DSCAML1: variants seen among roughly 807,000 people sequenced by gnomAD.
DSCAML1 encodes the protein DS cell adhesion molecule like 1.
In DSCAML1, 38 loss-of-function variants were observed where a neutral mutation model predicts 200.5. The observed-to-expected ratio is 0.19, with a 90% confidence interval of 0.15 to 0.25. DSCAML1 has a LOEUF of 0.25. Ranked by LOEUF, DSCAML1 falls within the 10% of genes least tolerant of loss-of-function variation. DSCAML1 has a pLI of 1.00. For missense variants in DSCAML1, 2,223 were observed against 2,858.8 expected, an observed-to-expected ratio of 0.78 and a Z score of 5.07; for synonymous variants, 1,215 against 1,165.0, an observed-to-expected ratio of 1.04 and a Z score of -0.87.
chr11:117,431,414 C>T, intron 31 of DSCAML1, 120 bp downstream of exon 31: 2 of 951,182 alleles, frequency 2.1e-6, no homozygotes, highest in Non-Finnish European at 3.0e-6. Context: ...AGACATGAAA[C>T]TGACTTGTGC....
intron 3 of DSCAML1, among the ~76,000 whole-genome samples, chr11:117,654,453 T>G (rs1027850891): frequency 2.6e-5 from 4 of 152,212 alleles, no homozygotes; most frequent in Non-Finnish European, 5.9e-5. Flanking sequence ...ACACTATCGG[T>G]CTGCTCTATG....
intron 3 of DSCAML1, among the ~76,000 whole-genome samples, chr11:117,768,935 G>A (rs1471034571): frequency 2.0e-5 from 3 of 150,758 alleles, no homozygotes; most frequent in African/African-American, 7.3e-5. Flanking sequence ...AATTAGCCAG[G>A]CGTGGTGGTG....
chr11:117,721,391 T>C lies in DSCAML1; in HGVS notation c.511+55400A>G, dbSNP rs369143520. Among the ~76,000 whole-genome samples, 18 of 152,268 alleles carry C rather than the reference T, an allele frequency of 1.2e-4. No homozygotes were observed. In the East Asian group the frequency reaches 2.7e-3, roughly 23 times the overall value. ...GTCACTCTCCAGGTGCCAAGGGTAATAGTCACCCCCTCCCCCAACCTGGAA... is the reference window on the plus strand; with the variant it reads ...GTCACTCTCCAGGTGCCAAGGGTAACAGTCACCCCCTCCCCCAACCTGGAA... On this transcript the variant is annotated intron_variant, in intron 3 of 32. Coordinates refer to ENST00000651296, the MANE Select transcript of DSCAML1 (RefSeq NM_020693.4).
At chr11:117,435,523 C>A in intron 27 of DSCAML1, 121 bp downstream of exon 27, 1 of 1,215,104 alleles carries the variant, frequency 8.2e-7, no homozygotes, top group Non-Finnish European at 1.1e-6. Flanking sequence ...GGCTGCTCCT[C>A]CTTCAAGGGG....
At chr11:117,593,401 G>C (rs923602812) in intron 3 of DSCAML1, among the ~76,000 whole-genome samples, 1 of 152,220 alleles carries the variant, frequency 6.6e-6, no homozygotes, top group Admixed American at 6.5e-5. Context: ...GGTACCTCAG[G>C]GCTGCTGTGC....
At chr11:117,753,036 A>G (rs1591473302) in intron 3 of DSCAML1, among the ~76,000 whole-genome samples, 1 of 151,806 alleles carries the variant, frequency 6.6e-6, no homozygotes, top group African/African-American at 2.4e-5. Context: ...AACTGCACGG[A>G]CTTGGAGGGT....
At chr11:117,581,431 C>T (rs972866633) in intron 3 of DSCAML1, among the ~76,000 whole-genome samples, 1 of 152,144 alleles carries the variant, frequency 6.6e-6, no homozygotes, top group African/African-American at 2.4e-5. Flanking sequence ...CCCTGCCAAA[C>T]CCCTTCGTGT....
intron 3 of DSCAML1, among the ~76,000 whole-genome samples, chr11:117,653,569 G>A (rs561661632): frequency 3.9e-5 from 6 of 152,158 alleles, no homozygotes; most frequent in Non-Finnish European, 7.4e-5. Context: ...TGTGGGAGAG[G>A]ACATCGAGAA....
At chr11:117,701,431 T>C (rs2053665270) in intron 3 of DSCAML1, among the ~76,000 whole-genome samples, 1 of 152,146 alleles carries the variant, frequency 6.6e-6, no homozygotes, top group Non-Finnish European at 1.5e-5. Flanking sequence ...AACCCGCTTA[T>C]GGTCAATTAA....
intron 3 of DSCAML1, among the ~76,000 whole-genome samples, chr11:117,536,757 A>G (rs1185614484): frequency 6.6e-6 from 1 of 152,176 alleles, no homozygotes; most frequent in East Asian, 1.9e-4. Context: ...AGGCTGTGGT[A>G]TCATCTATCT....
At chr11:117,792,443 C>T (rs1323317625) in intron 1 of DSCAML1, among the ~76,000 whole-genome samples, 3 of 152,140 alleles carry the variant, frequency 2.0e-5, no homozygotes, top group Non-Finnish European at 4.4e-5. Context: ...AGGCTCTTGA[C>T]ACGCCCTTCC....
In DSCAML1 at chr11:117,797,142, TC is replaced by T; in HGVS notation, c.-64del. The T allele has an allele frequency of 8.8e-6, 14 of 1,590,084 alleles. No homozygotes were observed. Among genetic ancestry groups the T allele is most frequent in the Middle Eastern group, 1.7e-4 (1 of 5,988 alleles). On this transcript the variant is annotated 5_prime_UTR_variant, in exon 1 of 33. Transcript: ENST00000651296. ...GTGGCCGGCCGTGCGGCAGCGCCTCTCCCCCGCTCAGCGCGCTCCCAGCCGC... is the reference window on the plus strand; with the variant it reads ...GTGGCCGGCCGTGCGGCAGCGCCTCTCCCCGCTCAGCGCGCTCCCAGCCGC...
intron 3 of DSCAML1, among the ~76,000 whole-genome samples, chr11:117,616,745 ACTT>A (rs1185758630): frequency 3.3e-5 from 5 of 152,200 alleles, no homozygotes; most frequent in Non-Finnish European, 5.9e-5. Flanking sequence ...AGATGTGTTT[ACTT>A]TATGAAAAGT....
At chr11:117,555,647 G>T (rs1172410513) in intron 3 of DSCAML1, among the ~76,000 whole-genome samples, 1 of 152,172 alleles carries the variant, frequency 6.6e-6, no homozygotes, top group Non-Finnish European at 1.5e-5. Flanking sequence ...AAGCAGGGAT[G>T]CACGGGGCAG....
intron 3 of DSCAML1, among the ~76,000 whole-genome samples, chr11:117,667,061 C>T (rs2052992735): frequency 6.6e-6 from 1 of 152,192 alleles, no homozygotes; most frequent in South Asian, 2.1e-4. Context: ...CAACACCCAG[C>T]TTTCCCGAGA....
chr11:117,680,336 T>C (rs2053290144), intron 3 of DSCAML1, among the ~76,000 whole-genome samples: 1 of 152,202 alleles, frequency 6.6e-6, no homozygotes, highest in Admixed American at 6.5e-5. Context: ...GACCCTCCTG[T>C]GGGTGCAGAG....
At chr11:117,628,451 T>G (rs561808638) in intron 3 of DSCAML1, among the ~76,000 whole-genome samples, 1 of 152,348 alleles carries the variant, frequency 6.6e-6, no homozygotes, top group East Asian at 1.9e-4. Context: ...TTCAGTCACG[T>G]GCAAAATGTA....
chr11:117,772,143 G>C (rs1261554955), intron 3 of DSCAML1, among the ~76,000 whole-genome samples: 1 of 152,070 alleles, frequency 6.6e-6, no homozygotes, highest in Admixed American at 6.5e-5. Context: ...AGAGAGAGGA[G>C]GGGGCCACTG....
chr11:117,649,039 A>ATGTGTG (rs1360372357), intron 3 of DSCAML1, among the ~76,000 whole-genome samples: 10 of 131,542 alleles, frequency 7.6e-5, no homozygotes, highest in African/African-American at 2.9e-4. Flanking sequence ...CTCTCCATAT[A>ATGTGTG]TATGTGTGTG....
Sources: allele counts gnomAD v4.1 joint callset (sites outside exome capture counted in the v4.1 genomes callset), GRCh38; gene constraint gnomAD v4.1.1; transcripts MANE v1.5; gene names NCBI Gene and HGNC (gene_info 2026-07-23, HGNC 2026-07-21).